The following ZNF148 variants were observed in gnomAD, a reference collection of about 807,000 sequenced individuals.
ZNF148 encodes the protein zinc finger protein 148, also known as Beta-Enolase Repressor Factor-1.
Under a neutral mutation model 67.7 loss-of-function variants are expected in ZNF148, and 7 were observed. The observed-to-expected ratio is 0.10, with a 90% CI of 0.06 to 0.19. ZNF148 has a LOEUF of 0.19. ZNF148 is among the 10% of genes least tolerant of loss of function. The pLI, the probability that ZNF148 is intolerant of heterozygous loss-of-function variation, is 1.00. For synonymous variants in ZNF148, 333 were observed against 330.7 expected, an observed-to-expected ratio of 1.01 and a Z score of -0.08; for missense variants, 583 against 947.1, an observed-to-expected ratio of 0.62 and a Z score of 5.05.
chr3:125,350,102 G>C (rs1449064765), intron 1 of ZNF148, among the ~76,000 whole-genome samples: 2 of 152,082 alleles, frequency 1.3e-5, no homozygotes, highest in African/African-American at 2.4e-5. Context: ...TAGAACTACT[G>C]TATGTTCCAG....
Position 125,277,760 on chromosome 3 carries a change from C to G in ZNF148, c.633G>C (p.Lys211Asn). ...TCTTCTCATGTCTCTGAAGCAGGTA[C>G]TTCTGTATGAAACGCATGTCACATT... Reference protein sequence around the residue: ...CSQCDMRFIQKYLLQRHEKIH... With the variant: ...CSQCDMRFIQNYLLQRHEKIH... The change falls in exon 7 of 9, where the codon AAG becomes AAC. Residue 211 changes from lysine (K) to asparagine (N), a missense_variant. Transcript: ENST00000360647. The G allele has an allele frequency of 1.2e-6, 2 of 1,611,898 alleles. No homozygotes were observed. The highest frequency in any genetic ancestry group is 1.7e-6 in the Non-Finnish European group (2 of 1,179,244).
chr3:125,317,432 T>A (rs369890666), intron 3 of ZNF148, among the ~76,000 whole-genome samples: 12 of 152,090 alleles, frequency 7.9e-5, no homozygotes, highest in East Asian at 5.8e-4. Context: ...GAAGTAAGTA[T>A]AAGGATGTTT....
chr3:125,272,871 T>C (rs1279951793), intron 7 of ZNF148, among the ~76,000 whole-genome samples: 1 of 152,230 alleles, frequency 6.6e-6, no homozygotes, highest in East Asian at 1.9e-4. Context: ...GCTTAATACT[T>C]CCTTGGCAAG....
At chr3:125,345,814 T>G (rs1941919719) in intron 1 of ZNF148, among the ~76,000 whole-genome samples, 1 of 152,078 alleles carries the variant, frequency 6.6e-6, no homozygotes, top group African/African-American at 2.4e-5. Flanking sequence ...ACTGACTTCT[T>G]AATTTAAAAG....
At chr3:125,341,365 T>C (rs1204128669) in intron 1 of ZNF148, among the ~76,000 whole-genome samples, 1 of 148,382 alleles carries the variant, frequency 6.7e-6, no homozygotes, top group East Asian at 2.0e-4. Context: ...ACACCTGTAA[T>C]TTCAGCACTT....
chr3:125,231,864 A>C lies in ZNF148; in HGVS notation c.*477T>G, dbSNP rs1281903026. The C allele has an allele frequency of 6.5e-6, 1 of 154,866 alleles. No individual in the cohort carries two copies. The highest frequency in any genetic ancestry group is 1.4e-5 in the Non-Finnish European group (1 of 69,534). The allele number at this position is 154,866 out of a possible 1,614,324, so 9.6% of individuals were successfully genotyped here. A position where few individuals can be genotyped will look rare whatever the true frequency, so the allele number is the denominator to read the frequency against. On this transcript the variant is annotated 3_prime_UTR_variant, in exon 9 of 9. Transcript: ENST00000360647. The stretch of plus-strand genomic sequence containing the variant: ...TGGTTTTTTTCCCCCTATAGGACAC[A>C]CTAATTTATTTAAGCCATAATCTCT...
intron 3 of ZNF148, among the ~76,000 whole-genome samples, chr3:125,315,664 G>A (rs953212678): frequency 2.8e-5 from 4 of 143,554 alleles, no homozygotes; most frequent in South Asian, 2.2e-4. Context: ...AGCCGAGATC[G>A]AGCCACTGCA....
intron 8 of ZNF148, 66 bp from the exon 9 acceptor site, chr3:125,234,005 A>G: frequency 6.6e-7 from 1 of 1,503,994 alleles, no homozygotes; most frequent in Non-Finnish European, 8.8e-7. Flanking sequence ...AGAAAAAGTG[A>G]AACAAAACAA....
chr3:125,318,850 A>C (rs1940640632), intron 3 of ZNF148, among the ~76,000 whole-genome samples: 1 of 152,196 alleles, frequency 6.6e-6, no homozygotes, highest in Non-Finnish European at 1.5e-5. Context: ...TCCCTTTCGC[A>C]GATTACTTCA....
intron 4 of ZNF148, among the ~76,000 whole-genome samples, chr3:125,312,042 A>T (rs1429777851): frequency 6.6e-6 from 1 of 152,226 alleles, no homozygotes; most frequent in Non-Finnish European, 1.5e-5. Flanking sequence ...GTTCTCTACA[A>T]TCTCTTCCAG....
intron 4 of ZNF148, among the ~76,000 whole-genome samples, chr3:125,289,585 T>C (rs1451546703): frequency 6.6e-6 from 1 of 152,128 alleles, no homozygotes; most frequent in Non-Finnish European, 1.5e-5. Flanking sequence ...ACCTCTGAAG[T>C]GGTATTTACT....
chr3:125,307,266 G>A (rs538079803), intron 4 of ZNF148, among the ~76,000 whole-genome samples: 4 of 151,918 alleles, frequency 2.6e-5, no homozygotes, highest in African/African-American at 7.2e-5. Context: ...CATTTCAATC[G>A]ATGCAGAAGA....
chr3:125,321,781 A>T (rs957511124), intron 3 of ZNF148, among the ~76,000 whole-genome samples: 1 of 152,138 alleles, frequency 6.6e-6, no homozygotes, highest in Non-Finnish European at 1.5e-5. Flanking sequence ...AAACATTAAT[A>T]TTCAAACTAT....
At chr3:125,260,215 T>C (rs1937275514) in intron 7 of ZNF148, among the ~76,000 whole-genome samples, 1 of 151,914 alleles carries the variant, frequency 6.6e-6, no homozygotes, top group Non-Finnish European at 1.5e-5. Flanking sequence ...ATTATCAAAA[T>C]ATGACACAGA....
At chr3:125,272,644 C>T (rs1469914919) in intron 7 of ZNF148, among the ~76,000 whole-genome samples, 1 of 151,752 alleles carries the variant, frequency 6.6e-6, no homozygotes, top group Non-Finnish European at 1.5e-5. Flanking sequence ...TATTTAATTA[C>T]ACCATACTTT....
chr3:125,240,935 A>C (rs904301073), intron 7 of ZNF148, among the ~76,000 whole-genome samples: 4 of 152,162 alleles, frequency 2.6e-5, no homozygotes, highest in Non-Finnish European at 4.4e-5. Flanking sequence ...ACATAAATTC[A>C]CCTTCCATGG....
intron 4 of ZNF148, 122 bp downstream of exon 4, chr3:125,313,186 A>G (rs1279956271): frequency 9.3e-6 from 6 of 642,388 alleles, no homozygotes; most frequent in East Asian, 5.6e-5. Context: ...ATATTTTAGT[A>G]TATCTATTCA....
chr3:125,350,493 T>C (rs1407326817), intron 1 of ZNF148, among the ~76,000 whole-genome samples: 1 of 152,210 alleles, frequency 6.6e-6, no homozygotes, highest in Admixed American at 6.5e-5. Context: ...TTTGCACTCA[T>C]GTTAACTACA....
intron 3 of ZNF148, among the ~76,000 whole-genome samples, chr3:125,315,438 G>T (rs973161504): frequency 3.3e-5 from 5 of 152,102 alleles, no homozygotes; most frequent in African/African-American, 1.2e-4. Flanking sequence ...GCCGGGTGCA[G>T]TGGCTCACGT....
Sources: allele counts gnomAD v4.1 joint callset (sites outside exome capture counted in the v4.1 genomes callset), GRCh38; gene constraint gnomAD v4.1.1; transcripts MANE v1.5; gene names NCBI Gene and HGNC (gene_info 2026-07-23, HGNC 2026-07-21).